The following NAV1 variants were observed in gnomAD, a reference collection of about 807,000 sequenced individuals.
NAV1 encodes pore membrane and/or filament interacting like protein 3.
Under a neutral mutation model 175.2 loss-of-function variants are expected in NAV1, and 18 were observed. The ratio of observed to expected loss-of-function variants is 0.10; its 90% CI spans 0.07 to 0.15. The LOEUF is 0.15. NAV1 is among the 10% of genes least tolerant of loss of function. NAV1 has a pLI of 1.00. For missense variants in NAV1, 1,731 were observed against 2,436.6 expected (o/e 0.71, Z 6.10); for synonymous variants, 897 against 978.7 (o/e 0.92, Z 1.56).
intron 1 of NAV1, among the ~76,000 whole-genome samples, chr1:201,652,699 C>A (rs187136549): frequency 3.9e-5 from 6 of 152,240 alleles, no homozygotes; most frequent in African/African-American, 9.6e-5. Flanking sequence ...CTCATCCTTA[C>A]CCCCTAGGGA....
intron 1 of NAV1, among the ~76,000 whole-genome samples, chr1:201,541,148 T>A (rs527596598): frequency 6.6e-6 from 1 of 152,222 alleles, no homozygotes; most frequent in Non-Finnish European, 1.5e-5. Flanking sequence ...TTTTAGATAT[T>A]TGGGTGTTTG....
At chr1:201,776,046 A>G (rs1675915792) in intron 3 of NAV1, among the ~76,000 whole-genome samples, 1 of 152,118 alleles carries the variant, frequency 6.6e-6, no homozygotes, top group Admixed American at 6.6e-5. Flanking sequence ...AGAATACAAG[A>G]TCCCGTCTCT....
intron 1 of NAV1, among the ~76,000 whole-genome samples, chr1:201,585,144 C>A (rs1666986916): frequency 6.6e-6 from 1 of 152,200 alleles, no homozygotes. Flanking sequence ...GGGCCCTCAT[C>A]CCTGAAGTCA....
rs3054501 is a variant in NAV1 at position 201,617,206 on chromosome 1, GTCTCTCTCTCTC to G, written c.-32-5623_-32-5612del. Among the ~76,000 whole-genome samples the G allele has an allele frequency of 5.9e-4, 81 of 138,212 alleles. 1 individual carries two copies. The highest frequency in any genetic ancestry group is 8.5e-4 in the Admixed American group (12 of 14,134). 90.7% of individuals were successfully genotyped at this position (138,212 alleles called of 152,430 possible). A position where few individuals can be genotyped will look rare whatever the true frequency, so the allele number is the denominator to read the frequency against. The stretch of plus-strand genomic sequence containing the variant: ...TCTGATAAGATTCCCCAATCTCTCT[GTCTCTCTCTCTC>G]TCTCTCTCTCTCTCTCTCTCTCTGT... On this transcript the variant is annotated intron_variant, in intron 2 of 33. Coordinates refer to the NAV1 transcript ENST00000685211.
chr1:201,645,837 T>C (rs1346614923), upstream of NAV1, among the ~76,000 whole-genome samples: 1 of 152,226 alleles, frequency 6.6e-6, no homozygotes, highest in Admixed American at 6.5e-5. Flanking sequence ...AGAATAGGTG[T>C]TGTCGGATTC....
chr1:201,734,769 C>T (rs577607338), intron 3 of NAV1, among the ~76,000 whole-genome samples: 2 of 152,236 alleles, frequency 1.3e-5, no homozygotes, highest in Non-Finnish European at 2.9e-5. Flanking sequence ...CCATCAGGCC[C>T]TTACTGGAGA....
At chr1:201,672,394 A>G (rs1670076162) in intron 1 of NAV1, among the ~76,000 whole-genome samples, 1 of 152,172 alleles carries the variant, frequency 6.6e-6, no homozygotes, top group African/African-American at 2.4e-5. Context: ...GCCTAAAAGA[A>G]CCTTCTTTCT....
chr1:201,598,167 CAG>C (rs1329200603), intron 2 of NAV1, among the ~76,000 whole-genome samples: 3 of 152,340 alleles, frequency 2.0e-5, no homozygotes, highest in South Asian at 2.1e-4. Context: ...GGGCCACTTA[CAG>C]AAGGTCAGAG....
chr1:201,707,305 C>T (rs1671711563), intron 1 of NAV1, among the ~76,000 whole-genome samples: 1 of 152,166 alleles, frequency 6.6e-6, no homozygotes, highest in Admixed American at 6.6e-5. Context: ...CGTTGTTCAC[C>T]CACCTCTTTG....
intron 3 of NAV1, among the ~76,000 whole-genome samples, chr1:201,755,974 G>A (rs1413864523): frequency 1.3e-5 from 2 of 152,008 alleles, no homozygotes; most frequent in African/African-American, 4.8e-5. Flanking sequence ...GGGCGTGGTG[G>A]TGCATGCCTG....
At chr1:201,757,106 A>G (rs1169504318) in intron 3 of NAV1, among the ~76,000 whole-genome samples, 1 of 152,058 alleles carries the variant, frequency 6.6e-6, no homozygotes, top group Non-Finnish European at 1.5e-5. Flanking sequence ...ACAAAGAAGC[A>G]ATCCCCATTA....
chr1:201,689,397 T>G (rs1297752872), intron 1 of NAV1, among the ~76,000 whole-genome samples: 1 of 152,188 alleles, frequency 6.6e-6, no homozygotes, highest in Non-Finnish European at 1.5e-5. Context: ...TCTTAAATCA[T>G]GTCACCACTC....
At chr1:201,797,751 T>G (rs1307548233) in intron 15 of NAV1, 3 of 152,268 alleles carry the variant, frequency 2.0e-5, no homozygotes, top group Non-Finnish European at 4.4e-5. Context: ...TGTTCTAAAC[T>G]GAATTGTTTT....
rs1282671353 is a variant in NAV1, at chr1:201,723,786, T to A, written c.1226+5031T>A. ...GAAGCTTATTCCATATCATACAGAA[T>A]TAAGTTATAAGAAAGTTTCTAAATA... On this transcript the variant is annotated intron_variant, in intron 3 of 29. Transcript: ENST00000367296. The A allele has an allele frequency of 2.0e-5, 3 of 152,230 alleles. 1 individual carries two copies. In the South Asian group the frequency reaches 6.2e-4, roughly 32 times the overall value. The allele number at this position is 152,230 out of a possible 1,614,324, so 9.4% of individuals were successfully genotyped here.
chr1:201,689,627 A>G (rs1164440761), intron 1 of NAV1, among the ~76,000 whole-genome samples: 1 of 152,134 alleles, frequency 6.6e-6, no homozygotes, highest in African/African-American at 2.4e-5. Context: ...CCCTTTCCTT[A>G]TGGTACATAA....
chr1:201,824,251 A>G (rs1489608850), exon 30 of NAV1: 1 of 152,132 alleles, frequency 6.6e-6, no homozygotes, highest in Admixed American at 6.6e-5. Flanking sequence ...CTGTGATGGG[A>G]TGGAAAAATG....
intron 1 of NAV1, among the ~76,000 whole-genome samples, chr1:201,626,098 G>A (rs1342687088): frequency 1.3e-5 from 2 of 152,190 alleles, no homozygotes; most frequent in Non-Finnish European, 2.9e-5. Flanking sequence ...TTAGGACCAA[G>A]GACACTCCGA....
At chr1:201,626,901 C>A (rs568085168) in intron 1 of NAV1, among the ~76,000 whole-genome samples, 1 of 152,130 alleles carries the variant, frequency 6.6e-6, no homozygotes, top group Non-Finnish European at 1.5e-5. Flanking sequence ...GGAGGCCTGG[C>A]CATGTTTGGA....
chr1:201,704,088 T>G (rs1671559670), intron 1 of NAV1, among the ~76,000 whole-genome samples: 1 of 152,154 alleles, frequency 6.6e-6, no homozygotes, highest in Admixed American at 6.5e-5. Flanking sequence ...CGAAGGCTGG[T>G]TGGTTAATCC....
Sources: gnomAD v4.1 joint callset for allele counts (sites outside exome capture counted in the v4.1 genomes callset) on GRCh38, gnomAD v4.1.1 for gene constraint, MANE v1.5 for transcripts, NCBI Gene and HGNC (gene_info 2026-07-23, HGNC 2026-07-21) for gene names.